Variants in PREX2 observed in about 807,000 individuals in gnomAD.
PREX2 encodes the protein phosphatidylinositol 3,4,5-trisphosphate-dependent Rac exchanger 2 protein.
PREX2 carries 107 observed loss-of-function variants against 203.2 expected under a neutral mutation model. The ratio of observed to expected loss-of-function variants is 0.53; its 90% CI spans 0.45 to 0.62. PREX2 has a LOEUF of 0.62. Ranked by LOEUF, PREX2 falls within the 20% of genes least tolerant of loss-of-function variation. The pLI is 0.00. For synonymous variants in PREX2, 672 were observed against 663.6 expected, an observed-to-expected ratio of 1.01 and a Z score of -0.19; for missense variants, 1,777 against 1,955.9, an observed-to-expected ratio of 0.91 and a Z score of 1.72.
intron 35 of PREX2, among the ~76,000 whole-genome samples, chr8:68,168,119 C>T (rs987438093): frequency 3.3e-5 from 5 of 152,200 alleles, no homozygotes; most frequent in East Asian, 1.9e-4. Flanking sequence ...GATACAGCTA[C>T]GTGTACGGAT....
At chr8:68,157,884 A>T (rs1464505224) in intron 35 of PREX2, among the ~76,000 whole-genome samples, 1 of 151,984 alleles carries the variant, frequency 6.6e-6, no homozygotes, top group Non-Finnish European at 1.5e-5. Flanking sequence ...TATTGGAAAA[A>T]TATGTACTTT....
chr8:68,050,572 T>A (rs886864077), intron 8 of PREX2, among the ~76,000 whole-genome samples: 1 of 152,174 alleles, frequency 6.6e-6, no homozygotes, highest in Non-Finnish European at 1.5e-5. Context: ...CAATTTGACA[T>A]GAGATTTGTG....
At chr8:68,086,097 A>T (rs1585773654) in intron 18 of PREX2, among the ~76,000 whole-genome samples, 1 of 152,342 alleles carries the variant, frequency 6.6e-6, no homozygotes, top group Non-Finnish European at 1.5e-5. Context: ...TTCAAAGGAA[A>T]TGAATACAGC....
intron 1 of PREX2, among the ~76,000 whole-genome samples, chr8:67,995,311 G>C (rs1806734817): frequency 6.6e-6 from 1 of 152,026 alleles, no homozygotes; most frequent in Non-Finnish European, 1.5e-5. Flanking sequence ...AACAACATAT[G>C]ATATCAATCC....
At chr8:68,170,753 T>C (rs1811860613) in intron 35 of PREX2, among the ~76,000 whole-genome samples, 1 of 152,188 alleles carries the variant, frequency 6.6e-6, no homozygotes, top group Non-Finnish European at 1.5e-5. Flanking sequence ...TGTTTTCTCT[T>C]TTCTCTCTTA....
At chr8:68,116,808 T>C (rs958867924) in intron 26 of PREX2, among the ~76,000 whole-genome samples, 17 of 152,186 alleles carry the variant, frequency 1.1e-4, no homozygotes, top group African/African-American at 3.6e-4. Flanking sequence ...TTCAAACATA[T>C]GAATTTTATT....
intron 39 of PREX2, among the ~76,000 whole-genome samples, chr8:68,229,115 T>C (rs1004270831): frequency 7.4e-4 from 113 of 152,108 alleles, no homozygotes; most frequent in African/African-American, 2.7e-3. Context: ...TACTTTGTGG[T>C]CTCCTTTCAC....
rs1306161393 is a variant in PREX2 at position 68,194,753 on chromosome 8, A to T, written c.4604+2228A>T. Among the ~76,000 whole-genome samples the T allele has an allele frequency of 7.2e-5, 11 of 151,788 alleles. No homozygotes were observed. The South Asian group carries it at 1.5e-3, about 20-fold the overall frequency. Reference sequence around the variant, plus strand: ...GAGGCGGAGGTCGCAGTGAGCGGAGATCATGTCACTGCACTCCAGCCTGGG... The same window carrying T: ...GAGGCGGAGGTCGCAGTGAGCGGAGTTCATGTCACTGCACTCCAGCCTGGG... On this transcript the variant is annotated intron_variant, in intron 37 of 39. Coordinates refer to ENST00000288368, the MANE Select transcript of PREX2 (RefSeq NM_024870.4).
chr8:67,952,572 C>G, intron 1 of PREX2, 37 bp downstream of exon 1: 1 of 1,590,754 alleles, frequency 6.3e-7, no homozygotes, highest in Non-Finnish European at 8.6e-7. Flanking sequence ...GACGTCCGGG[C>G]GGCGCGGGGC....
At chr8:67,977,069 A>G (rs775941441) in intron 1 of PREX2, among the ~76,000 whole-genome samples, 19 of 152,194 alleles carry the variant, frequency 1.2e-4, no homozygotes, top group Non-Finnish European at 1.6e-4. Flanking sequence ...CCCTAAATGT[A>G]TATGTTGAAA....
intron 31 of PREX2, among the ~76,000 whole-genome samples, chr8:68,128,743 C>T (rs987408914): frequency 2.0e-5 from 3 of 152,114 alleles, no homozygotes; most frequent in Admixed American, 6.6e-5. Flanking sequence ...CAAGGCCAGA[C>T]TTAAGGGGTA....
intron 37 of PREX2, among the ~76,000 whole-genome samples, chr8:68,204,974 C>G (rs111525592): frequency 1.6e-3 from 237 of 152,238 alleles, no homozygotes; most frequent in African/African-American, 5.6e-3. Context: ...AGCCACCACG[C>G]CCGGCCCCCT....
At position 67,960,233 on chromosome 8, in the gene PREX2, G is replaced by A. The variant is rs188568475; in HGVS notation, c.141+7698G>A. The stretch of plus-strand genomic sequence containing the variant: ...ACTTTTTCTAATTTAGTAGAGACGG[G>A]GTTTCACCGTGTTGTCCAGGCTGGT... On this transcript the variant is annotated intron_variant, in intron 1 of 39. Coordinates refer to ENST00000288368, the MANE Select transcript of PREX2 (RefSeq NM_024870.4). Among the ~76,000 whole-genome samples the A allele has an allele frequency of 5.8e-4, 88 of 152,116 alleles. 2 individuals carry two copies. In the East Asian group the frequency reaches 0.014, roughly 25 times the overall value.
intron 8 of PREX2, among the ~76,000 whole-genome samples, chr8:68,049,638 T>C (rs555267000): frequency 3.3e-5 from 5 of 152,256 alleles, no homozygotes; most frequent in Non-Finnish European, 7.4e-5. Flanking sequence ...ACTGTTGAAT[T>C]TGGATATTCC....
chr8:68,178,475 G>GT (rs1021616663), intron 35 of PREX2, among the ~76,000 whole-genome samples: 10 of 150,000 alleles, frequency 6.7e-5, no homozygotes, highest in Admixed American at 3.3e-4. Context: ...GGGGTTGCTT[G>GT]TTTTTTTTTC....
At position 68,069,029 on chromosome 8, in the gene PREX2, T is replaced by C. The variant is rs1267552939; in HGVS notation, c.1340-4T>C. 1.6e-6 allele frequency: 2 copies of C among 1,275,586 alleles called. No individual in the cohort carries two copies. 79.0% of individuals were successfully genotyped at this position (1,275,586 alleles called of 1,614,324 possible). On this transcript the variant is annotated splice_region_variant and splice_polypyrimidine_tract_variant and intron_variant, in intron 11 of 39. Transcript: ENST00000288368. ...ATTTTAATATAGTATTTCTATGTTCTTAGTTACTGATAAACATCAATTCAA... is the reference window on the plus strand; with the variant it reads ...ATTTTAATATAGTATTTCTATGTTCCTAGTTACTGATAAACATCAATTCAA...
Position 68,097,067 on chromosome 8 carries a change from C to G in PREX2, c.2419C>G (p.His807Asp), listed in dbSNP as rs200498074. Reference sequence around the variant, plus strand: ...GGCCATCATTGATGGGAAGAAGGAGCATGTGAGTCTGACAGTGGACAATGT... The same window carrying G: ...GGCCATCATTGATGGGAAGAAGGAGGATGTGAGTCTGACAGTGGACAATGT... ...TMAIIDGKKE[H>D]VSLTVDNVHL... is the part of the protein sequence containing the mutation. Residue 807 changes from histidine (H) to aspartate (D), a missense_variant, in exon 22 of 40, where the codon CAT becomes GAT. Coordinates refer to ENST00000288368, the MANE Select transcript of PREX2 (RefSeq NM_024870.4). 5.3e-5 allele frequency: 86 copies of G among 1,613,814 alleles called. No homozygotes were observed. The South Asian group carries it at 7.4e-4, about 14-fold the overall frequency.
At chr8:68,097,291 C>A in intron 22 of PREX2, 90 bp downstream of exon 22, 2 of 1,065,850 alleles carry the variant, frequency 1.9e-6, no homozygotes, top group East Asian at 2.6e-5. Flanking sequence ...ATAAAAATAG[C>A]TATACATGTT....
chr8:67,974,252 A>G (rs1211411777), intron 1 of PREX2, among the ~76,000 whole-genome samples: 2 of 152,136 alleles, frequency 1.3e-5, no homozygotes, highest in Non-Finnish European at 2.9e-5. Context: ...TTGGTGTACT[A>G]CTTTGGACTT....
Sources: allele counts gnomAD v4.1 joint callset (sites outside exome capture counted in the v4.1 genomes callset), GRCh38; gene constraint gnomAD v4.1.1; transcripts MANE v1.5; gene names NCBI Gene and HGNC (gene_info 2026-07-23, HGNC 2026-07-21).